Variants in PAG1 observed in about 807,000 individuals in gnomAD.
PAG1 encodes phosphoprotein associated with glycosphingolipid-enriched microdomains 1.
PAG1 carries 23 observed loss-of-function variants against 31.7 expected under a neutral mutation model. That is an observed-to-expected ratio of 0.73 (90% CI 0.52 to 1.03). The LOEUF is 1.03. Ranked by LOEUF, PAG1 falls within the 50% of genes least tolerant of loss-of-function variation. PAG1 has a pLI of 0.00. For synonymous variants in PAG1, 214 were observed against 210.3 expected, an observed-to-expected ratio of 1.02 and a Z score of -0.15; for missense variants, 473 against 540.7, an observed-to-expected ratio of 0.87 and a Z score of 1.24.
At chr8:81,034,792 G>C (rs1243051293) in intron 2 of PAG1, among the ~76,000 whole-genome samples, 5 of 152,174 alleles carry the variant, frequency 3.3e-5, no homozygotes, top group Non-Finnish European at 7.4e-5. Flanking sequence ...CTCTTCCCCT[G>C]CTCTTGAGCT....
chr8:80,988,330 G>T (rs1451836661), intron 5 of PAG1, among the ~76,000 whole-genome samples: 2 of 152,204 alleles, frequency 1.3e-5, no homozygotes, highest in South Asian at 2.1e-4. Flanking sequence ...GAAGGGAACA[G>T]ACTTAAATCT....
intron 5 of PAG1, among the ~76,000 whole-genome samples, chr8:80,989,516 C>T (rs1169861632): frequency 6.6e-6 from 1 of 152,188 alleles, no homozygotes; most frequent in Non-Finnish European, 1.5e-5. Flanking sequence ...TCCGGGTAAG[C>T]ATGCGTTCCT....
In PAG1 at chr8:80,987,542, C is replaced by A. The variant is rs141519293; in HGVS notation, c.178-76G>T. 100 of 1,021,164 alleles carry A rather than the reference C, an allele frequency of 9.8e-5. No individual in the cohort carries two copies. The African/African-American group carries it at 1.5e-3, about 16-fold the overall frequency. 63.3% of individuals were successfully genotyped at this position (1,021,164 alleles called of 1,614,324 possible). ...TGGACTGCAGAGCAGAGGAGAAGAT[C>A]CATGGCTTTTTCAAAAAATTAAAAC... On this transcript the variant is annotated intron_variant, in intron 5 of 8. Coordinates refer to ENST00000220597, the MANE Select transcript of PAG1 (RefSeq NM_018440.4).
At chr8:81,068,223 A>G (rs73279962) in intron 2 of PAG1, among the ~76,000 whole-genome samples, 3,363 of 152,324 alleles carry the variant, frequency 0.022, 49 homozygotes, top group South Asian at 0.04. Flanking sequence ...TAATAACTGG[A>G]AAGAACAACT....
At chr8:81,002,168 T>C (rs542541012) in intron 3 of PAG1, among the ~76,000 whole-genome samples, 2 of 152,278 alleles carry the variant, frequency 1.3e-5, no homozygotes, top group South Asian at 4.1e-4. Context: ...AAGCATTGCT[T>C]TGCACTGTTT....
At chr8:81,034,459 A>G (rs1378679726) in intron 2 of PAG1, among the ~76,000 whole-genome samples, 1 of 152,238 alleles carries the variant, frequency 6.6e-6, no homozygotes, top group Non-Finnish European at 1.5e-5. Context: ...ACATGCAAAC[A>G]TCATTCCAGT....
At chr8:81,084,574 T>C (rs1210200192) in intron 1 of PAG1, among the ~76,000 whole-genome samples, 1 of 152,212 alleles carries the variant, frequency 6.6e-6, no homozygotes, top group Non-Finnish European at 1.5e-5. Flanking sequence ...GGGTGTCATT[T>C]TGCAATTATT....
At position 80,985,037 on chromosome 8, in the gene PAG1, T is replaced by C; in HGVS notation, c.615A>G (p.Lys205=). 1 of 1,614,136 alleles carries C rather than the reference T, an allele frequency of 6.2e-7. No homozygotes were observed. The highest frequency in any genetic ancestry group is 2.2e-5 in the East Asian group (1 of 44,890). Residue 205 remains lysine, a synonymous_variant, in exon 7 of 9, where the codon AAA becomes AAG. Coordinates refer to ENST00000220597, the MANE Select transcript of PAG1 (RefSeq NM_018440.4). The part of the protein sequence containing the change: ...HLEKGHSGKA[K]STSASKELPG... Reference sequence around the variant, plus strand: ...GGAGCTCTTTCGAGGCAGAAGTAGATTTTGCCTTGCCACTGTGGCCTTTCT... The same window carrying C: ...GGAGCTCTTTCGAGGCAGAAGTAGACTTTGCCTTGCCACTGTGGCCTTTCT...
At chr8:80,982,136 G>C (rs1214487131) in intron 7 of PAG1, among the ~76,000 whole-genome samples, 1 of 152,098 alleles carries the variant, frequency 6.6e-6, no homozygotes, top group South Asian at 2.1e-4. Context: ...AAAGTGTTAC[G>C]ATTACAGGCA....
chr8:81,100,961 A>G (rs1193989048), intron 1 of PAG1, among the ~76,000 whole-genome samples: 1 of 152,236 alleles, frequency 6.6e-6, no homozygotes. Flanking sequence ...GCTGTTCATT[A>G]TGAATTGTAT....
At position 80,969,282 on chromosome 8, in the gene PAG1, C is replaced by G. The variant is rs1228772590; in HGVS notation, c.*7262G>C. The G allele has an allele frequency of 6.6e-6, 1 of 152,126 alleles. No individual in the cohort carries two copies. Among genetic ancestry groups the G allele is most frequent in the Non-Finnish European group, 1.5e-5 (1 of 68,040 alleles). The allele number at this position is 152,126 out of a possible 1,614,324, so 9.4% of individuals were successfully genotyped here. ...AAGGGATGGGTCATGAACACCACATCAGGTTCATTTATGAGTCTTATATTA... is the reference window on the plus strand; with the variant it reads ...AAGGGATGGGTCATGAACACCACATGAGGTTCATTTATGAGTCTTATATTA... On this transcript the variant is annotated 3_prime_UTR_variant, in exon 9 of 9. Transcript: ENST00000220597.
chr8:80,996,894 T>G (rs76658130), intron 3 of PAG1, among the ~76,000 whole-genome samples: 6,168 of 151,896 alleles, frequency 0.041, 463 homozygotes, highest in African/African-American at 0.14. Context: ...ATAGGAGGCA[T>G]AGTGTATGGA....
intron 2 of PAG1, among the ~76,000 whole-genome samples, chr8:81,058,000 A>G (rs1434149627): frequency 1.3e-5 from 2 of 152,176 alleles, no homozygotes; most frequent in African/African-American, 4.8e-5. Context: ...ATAACAGTAA[A>G]TACTGCCTTA....
chr8:81,090,643 G>T (rs1285110181), intron 1 of PAG1, among the ~76,000 whole-genome samples: 1 of 152,218 alleles, frequency 6.6e-6, no homozygotes, highest in Non-Finnish European at 1.5e-5. Context: ...GGTTGAGGTG[G>T]TTGGCCAATC....
chr8:81,063,425 G>C (rs1054162166), intron 2 of PAG1, among the ~76,000 whole-genome samples: 2 of 152,196 alleles, frequency 1.3e-5, no homozygotes, highest in Non-Finnish European at 2.9e-5. Flanking sequence ...GCCTCAGTGA[G>C]CACCTCTGGC....
At chr8:80,987,278 A>G (rs1807443849) in intron 6 of PAG1, 92 bp downstream of exon 6, 1 of 821,970 alleles carries the variant, frequency 1.2e-6, no homozygotes, top group Middle Eastern at 2.3e-4. Flanking sequence ...GCAATAACAC[A>G]TTTCCTACTT....
chr8:81,110,920 T>A (rs1809763287), intron 1 of PAG1, among the ~76,000 whole-genome samples: 1 of 152,232 alleles, frequency 6.6e-6, no homozygotes, highest in South Asian at 2.1e-4. Context: ...GATAAAGTTA[T>A]CCAGCCGGGA....
intron 1 of PAG1, among the ~76,000 whole-genome samples, chr8:81,095,127 GA>G (rs1187941446): frequency 6.6e-6 from 1 of 152,154 alleles, no homozygotes; most frequent in African/African-American, 2.4e-5. Context: ...ATTAGATGAG[GA>G]CCAGGTACAC....
intron 2 of PAG1, among the ~76,000 whole-genome samples, chr8:81,053,735 C>T (rs1428709892): frequency 6.6e-6 from 1 of 152,084 alleles, no homozygotes; most frequent in African/African-American, 2.4e-5. Context: ...GAACTGATTT[C>T]AGGGTGGGAA....
Sources: gnomAD v4.1 joint callset for allele counts (sites outside exome capture counted in the v4.1 genomes callset) on GRCh38, gnomAD v4.1.1 for gene constraint, MANE v1.5 for transcripts, NCBI Gene and HGNC (gene_info 2026-07-23, HGNC 2026-07-21) for gene names.